The following LDHD variants were observed in gnomAD, a reference collection of about 807,000 sequenced individuals.
LDHD encodes lactate dehydrogenase D.
In LDHD, 58 loss-of-function variants were observed where a neutral mutation model predicts 52.9. The observed-to-expected ratio is 1.10, with a 90% CI of 0.89 to 1.36. The LOEUF is 1.36. Among genes scored for constraint, LDHD ranks in the 40% most tolerant of loss-of-function variants. LDHD has a pLI of 0.00. For missense variants in LDHD, 747 were observed against 668.0 expected (o/e 1.12, Z -1.30); for synonymous variants, 350 against 288.6 (o/e 1.21, Z -2.16).
chr16:75,114,729 C>G (rs763449479), intron 4 of LDHD, 44 bp from the exon 5 acceptor site: 1 of 1,549,958 alleles, frequency 6.5e-7, no homozygotes, highest in Non-Finnish European at 8.7e-7. Flanking sequence ...ACCGGAGGTC[C>G]TTTCCCTCGG....
intron 10 of LDHD, 36 bp downstream of exon 10, chr16:75,112,566 G>A: frequency 6.2e-7 from 1 of 1,613,610 alleles, no homozygotes; most frequent in Non-Finnish European, 8.5e-7. Flanking sequence ...CCTTTCCTCT[G>A]CCCTCAGCTC....
In LDHD at chr16:75,116,629, C is replaced by G. The variant is rs776237464; in HGVS notation, c.72+20G>C. ...CTCCCCACCTCATCCCTCCAGAGGA[C>G]TTCTCTTCTCTCCCGGTACCTTTGC... On this transcript the variant is annotated intron_variant, in intron 1 of 10. Coordinates refer to ENST00000450168, the MANE Select transcript of LDHD (RefSeq NM_194436.3). 1 of 1,601,200 alleles carries G rather than the reference C, an allele frequency of 6.2e-7. No homozygotes were observed. The highest frequency in any genetic ancestry group is 1.1e-5 in the South Asian group (1 of 89,268).
chr16:75,115,993 C>T (rs2036548671), intron 1 of LDHD, among the ~76,000 whole-genome samples: 1 of 152,190 alleles, frequency 6.6e-6, no homozygotes. Flanking sequence ...GATCCACCTG[C>T]CTCGGCCTCC....
At position 75,112,379 on chromosome 16, in the gene LDHD, T is replaced by G; in HGVS notation, c.1432A>C (p.Met478Leu). 1 of 1,612,406 alleles carries G rather than the reference T, an allele frequency of 6.2e-7. No individual in the cohort carries two copies. Among genetic ancestry groups the G allele is most frequent in the Non-Finnish European group, 8.5e-7 (1 of 1,179,224 alleles). Residue 478 changes from methionine to leucine, a missense_variant, in exon 11 of 11, where the codon ATG (methionine) becomes CTG (leucine). Coordinates refer to ENST00000450168, the MANE Select transcript of LDHD (RefSeq NM_194436.3). ...LKAVLDPQGLMNPGKVL is the reference protein window; with the variant it reads ...LKAVLDPQGLLNPGKVL Reference sequence around the variant, plus strand: ...CTTCACAGCACTTTGCCTGGATTCATGAGGCCTTGGGGGTCTAGCACGGCC... The same window carrying G: ...CTTCACAGCACTTTGCCTGGATTCAGGAGGCCTTGGGGGTCTAGCACGGCC...
At chr16:75,116,300 G>A (rs920226142) in intron 1 of LDHD, among the ~76,000 whole-genome samples, 7 of 152,272 alleles carry the variant, frequency 4.6e-5, no homozygotes, top group Non-Finnish European at 5.9e-5. Flanking sequence ...GCGGCGGGGC[G>A]GGGGATGTGT....
At chr16:75,115,390 G>C in intron 2 of LDHD, 51 bp from the exon 3 acceptor site, 2 of 1,608,712 alleles carry the variant, frequency 1.2e-6, no homozygotes, top group Non-Finnish European at 1.7e-6. Context: ...CTCTGGTCCC[G>C]AGGTGTTGCA....
At chr16:75,114,727 TC>T (rs753011717) in intron 4 of LDHD, 42 bp from the exon 5 acceptor site, 26 of 1,547,162 alleles carry the variant, frequency 1.7e-5, no homozygotes, top group African/African-American at 5.5e-5. Flanking sequence ...GGACCGGAGG[TC>T]CTTTCCCTCG....
chr16:75,114,185 A>G lies in LDHD; in HGVS notation c.630-20T>C. On this transcript the variant is annotated intron_variant, in intron 5 of 10. Coordinates refer to ENST00000450168, the MANE Select transcript of LDHD (RefSeq NM_194436.3). ...CTCTTCCTACGTCCCAGGGACACACAAGGTGAGTACCAGGCTGTGTGATGA... is the reference window on the plus strand; with the variant it reads ...CTCTTCCTACGTCCCAGGGACACACGAGGTGAGTACCAGGCTGTGTGATGA... The G allele has an allele frequency of 6.2e-7, 1 of 1,610,856 alleles. No individual in the cohort carries two copies. Among genetic ancestry groups the G allele is most frequent in the Admixed American group, 1.7e-5 (1 of 60,020 alleles).
chr16:75,113,038 A>G (rs945461753), intron 8 of LDHD, 114 bp from the exon 9 acceptor site: 2 of 734,790 alleles, frequency 2.7e-6, no homozygotes, highest in Admixed American at 2.1e-5. Flanking sequence ...GGCCTCACAC[A>G]AGGAAATAAT....
At position 75,114,057 on chromosome 16, in the gene LDHD, T is replaced by C. The variant is rs138539047; in HGVS notation, c.738A>G (p.Thr246=). ...TGGGGAACGCACACGTGGCGGCCACTGTGGCCTCAGGGGCAGGGTGCAGGC... is the reference window on the plus strand; with the variant it reads ...TGGGGAACGCACACGTGGCGGCCACCGTGGCCTCAGGGGCAGGGTGCAGGC... ...TLRLHPAPEA[T]VAATCAFPSV... Residue 246 remains threonine (T), a synonymous_variant, in exon 6 of 11, where the codon ACA becomes ACG. Coordinates refer to ENST00000450168, the MANE Select transcript of LDHD (RefSeq NM_194436.3). 5,097 of 1,610,692 alleles carry C rather than the reference T, an allele frequency of 3.2e-3. 91 individuals are homozygous for C. In the South Asian group the frequency reaches 0.032, roughly 10 times the overall value.
Position 75,114,073 on chromosome 16 carries a change from G to C in LDHD, c.722C>G (p.Pro241Arg), listed in dbSNP as rs1471899431. The stretch of plus-strand genomic sequence containing the variant: ...GGCGGCCACTGTGGCCTCAGGGGCA[G>C]GGTGCAGGCGCAGGGTGGTGGCTGT... ...LITATTLRLHPAPEATVAATC... is the reference protein window; with the variant it reads ...LITATTLRLHRAPEATVAATC... The change falls in exon 6 of 11, where the codon CCT becomes CGT. Residue 241 changes from proline to arginine, a missense_variant. By Grantham distance (103) the Pro-to-Arg change is moderately radical. Coordinates refer to ENST00000450168, the MANE Select transcript of LDHD (RefSeq NM_194436.3). 6.2e-7 allele frequency: 1 copy of C among 1,611,334 alleles called. No individual in the cohort carries two copies. The highest frequency in any genetic ancestry group is 2.2e-5 in the East Asian group (1 of 44,880).
chr16:75,114,250 C>T, intron 5 of LDHD, 85 bp from the exon 6 acceptor site: 6 of 1,581,100 alleles, frequency 3.8e-6, no homozygotes, highest in Non-Finnish European at 5.1e-6. Flanking sequence ...ACCCAAGACA[C>T]CGACCCCAGG....
chr16:75,116,125 C>T (rs2036550948), intron 1 of LDHD, among the ~76,000 whole-genome samples: 1 of 152,120 alleles, frequency 6.6e-6, no homozygotes, highest in African/African-American at 2.4e-5. Context: ...CCTGAGCAAC[C>T]GAAAAGATCC....
At position 75,112,649 on chromosome 16, in the gene LDHD, GTCA is replaced by G; in HGVS notation, c.1239_1241del (p.Asp414del). The G allele has an allele frequency of 1.9e-6, 3 of 1,614,110 alleles. No homozygotes were observed. The highest frequency in any genetic ancestry group is 2.5e-6 in the Non-Finnish European group (3 of 1,180,012). On this transcript the variant is annotated inframe_deletion, in exon 10 of 11. Coordinates refer to ENST00000450168, the MANE Select transcript of LDHD (RefSeq NM_194436.3). Reference sequence around the variant, plus strand: ...CCTTGACCCTGCCCAGTTCCTCGGCGTCATCAGGGTTGACCAGCAGGATGCAGT... The same window carrying G: ...CCTTGACCCTGCCCAGTTCCTCGGCGTCAGGGTTGACCAGCAGGATGCAGT...
chr16:75,113,751 G>T lies in LDHD; in HGVS notation c.949C>A (p.Gln317Lys), dbSNP rs773948562. The T allele has an allele frequency of 1.2e-6, 2 of 1,613,712 alleles. No individual in the cohort carries two copies. Among genetic ancestry groups the T allele is most frequent in the East Asian group, 4.5e-5 (2 of 44,884 alleles). Residue 317 changes from glutamine to lysine, a missense_variant, in exon 7 of 11, where the codon CAG becomes AAG. By Grantham distance (53) the Gln-to-Lys change is moderately conservative. Coordinates refer to ENST00000450168, the MANE Select transcript of LDHD (RefSeq NM_194436.3). The part of the protein sequence containing the change: ...GSQQALEEQL[Q>K]RTEEIVQQNG... ...CTCCACCCCAGCATACCTGTGCGCT[G>T]CAGCTGCTCCTCCAGTGCCTGCTGG...
rs1251733480 is a variant in LDHD, at chr16:75,112,582, C to T, written c.1289+20G>A. The T allele has an allele frequency of 6.2e-7, 1 of 1,613,886 alleles. No individual in the cohort carries two copies. Among genetic ancestry groups the T allele is most frequent in the South Asian group, 1.1e-5 (1 of 91,080 alleles). ...CTTTCCTCTGCCCTCAGCTCTTCCC[C>T]TCCCTGGCTTTGCTCCTACCTGCCC... On this transcript the variant is annotated intron_variant, in intron 10 of 10. Transcript: ENST00000450168.
chr16:75,116,676 C>T lies in LDHD; in HGVS notation c.45G>A (p.Trp15Ter), dbSNP rs1244428603. The T allele has an allele frequency of 1.9e-6, 3 of 1,603,806 alleles. No homozygotes were observed. Among genetic ancestry groups the T allele is most frequent in the Non-Finnish European group, 2.6e-6 (3 of 1,175,836 alleles). The change falls in exon 1 of 11, where the codon TGG becomes TGA. Residue 15 changes from tryptophan (W) to a stop codon, truncating the protein, a stop_gained. Coordinates refer to ENST00000450168, the MANE Select transcript of LDHD (RefSeq NM_194436.3). LOFTEE classifies it high-confidence loss of function. ...LRSATWELFP[W>*]RGYCSQKAKG... ...TTGCCTTCTGGGAGCAGTAGCCCCT[C>T]CAGGGGAACAGCTCCCAGGTTGCAG...
intron 5 of LDHD, 102 bp from the exon 6 acceptor site, chr16:75,114,267 G>A: frequency 6.4e-7 from 1 of 1,561,952 alleles, no homozygotes; most frequent in Non-Finnish European, 8.6e-7. Context: ...CAGGCACTGA[G>A]GTCTGGGCTG....
intron 8 of LDHD, 23 bp downstream of exon 8, chr16:75,113,512 T>A (rs934664176): frequency 8.2e-6 from 13 of 1,594,140 alleles, no homozygotes; most frequent in Non-Finnish European, 1.0e-5. Flanking sequence ...GTGGGCCCCA[T>A]CTGTACCCCA....
Sources: allele counts gnomAD v4.1 joint callset (sites outside exome capture counted in the v4.1 genomes callset), GRCh38; gene constraint gnomAD v4.1.1; transcripts MANE v1.5; gene names NCBI Gene and HGNC (gene_info 2026-07-23, HGNC 2026-07-21).